The following CCND2 variants were observed in gnomAD, a reference collection of about 807,000 sequenced individuals.
CCND2 encodes the protein cyclin D2.
Under a neutral mutation model 30.2 loss-of-function variants are expected in CCND2, and 6 were observed. That is an observed-to-expected ratio of 0.20 (90% confidence interval 0.11 to 0.39). The LOEUF is 0.39. Ranked by LOEUF, CCND2 falls within the 10% of genes least tolerant of loss-of-function variation. The pLI, the probability that CCND2 is intolerant of heterozygous loss-of-function variation, is 1.00. For synonymous variants in CCND2, 150 were observed against 153.1 expected (o/e 0.98, Z 0.15); for missense variants, 235 against 373.4 (o/e 0.63, Z 3.06).
rs1051079628 is a variant in CCND2 at position 4,301,065 on chromosome 12, C to G, written c.*1056C>G. 17 of 233,536 alleles carry G rather than the reference C, an allele frequency of 7.3e-5. No homozygotes were observed. Among genetic ancestry groups the G allele is most frequent in the Non-Finnish European group, 1.3e-4 (15 of 118,082 alleles). The allele number at this position is 233,536 out of a possible 1,614,324, so 14.5% of individuals were successfully genotyped here. ...CCTCCCCTCTTCTCTTTTGCCCCCT[C>G]CCTTCCTGCCCCCAGTCTGGGTTAC... On this transcript the variant is annotated 3_prime_UTR_variant, in exon 5 of 5. Coordinates refer to ENST00000261254, the MANE Select transcript of CCND2 (RefSeq NM_001759.4).
At chr12:4,281,166 G>A (rs780514519) in intron 3 of CCND2, among the ~76,000 whole-genome samples, 2 of 152,208 alleles carry the variant, frequency 1.3e-5, no homozygotes, top group African/African-American at 2.4e-5. Context: ...AGCCTCAGGC[G>A]TTGACAGGGC....
In CCND2 at chr12:4,285,766, G is replaced by A. The variant is rs1024889129; in HGVS notation, c.572-3076G>A. On this transcript the variant is annotated intron_variant, in intron 3 of 4. Transcript: ENST00000261254. The surrounding 1 kb of genome is among the most constrained non-coding windows in gnomAD (Gnocchi z 4.1). ...GGCTAATTACAGCTAGGAAGCTAGT[G>A]CACAGATGAAATGATGTTTGATTTT... is the stretch of plus-strand genomic sequence containing the variant. Among the ~76,000 whole-genome samples, 1 of 152,326 alleles carries A rather than the reference G, an allele frequency of 6.6e-6. No homozygotes were observed. Among genetic ancestry groups the A allele is most frequent in the South Asian group, 2.1e-4 (1 of 4,826 alleles).
rs1205208296 is a variant in CCND2, at chr12:4,282,889, G to A, written c.571+3970G>A. Among the ~76,000 whole-genome samples the A allele has an allele frequency of 2.0e-5, 3 of 152,196 alleles. No homozygotes were observed. Among genetic ancestry groups the A allele is most frequent in the Non-Finnish European group, 4.4e-5 (3 of 68,032 alleles). ...ACGTCCCTGGCCTGTGAACACTCTG[G>A]TTCTGGCCCTTTGAACTTCCACCTG... On this transcript the variant is annotated intron_variant, in intron 3 of 4. Coordinates refer to ENST00000261254, the MANE Select transcript of CCND2 (RefSeq NM_001759.4). The surrounding 1 kb of genome is among the most constrained non-coding windows in gnomAD (Gnocchi z 4.3).
chr12:4,295,228 C>T (rs376652016), intron 4 of CCND2, among the ~76,000 whole-genome samples: 1 of 152,212 alleles, frequency 6.6e-6, no homozygotes, highest in African/African-American at 2.4e-5. Flanking sequence ...TTATACAAGA[C>T]AGGCTTTTGC....
At chr12:4,280,079 G>A (rs1381237243) in intron 3 of CCND2, among the ~76,000 whole-genome samples, 4 of 144,932 alleles carry the variant, frequency 2.8e-5, no homozygotes, top group East Asian at 2.6e-4. Context: ...CTCTGAACCC[G>A]AGCTTCTTCA....
chr12:4,286,477 C>CT (rs1565434639), intron 3 of CCND2, among the ~76,000 whole-genome samples: 1 of 152,198 alleles, frequency 6.6e-6, no homozygotes, highest in Non-Finnish European at 1.5e-5. Context: ...GAGGAAGATG[C>CT]TCGTCTTCTG....
intron 4 of CCND2, among the ~76,000 whole-genome samples, chr12:4,297,537 C>T (rs1347392659): frequency 1.4e-5 from 2 of 138,608 alleles, no homozygotes; most frequent in East Asian, 4.5e-4. Flanking sequence ...TGCCATTGCA[C>T]TCCAGCCTGG....
Position 4,276,088 on chromosome 12 carries a change from T to C in CCND2, c.279T>C (p.Thr93=). The change falls in exon 2 of 5, where the codon ACT becomes ACC. Residue 93 remains threonine (T), a synonymous_variant. Coordinates refer to ENST00000261254, the MANE Select transcript of CCND2 (RefSeq NM_001759.4). This position sits in a 1 kb window ranked among gnomAD's most constrained non-coding sequence, Gnocchi z 4.8. ...ACCGTTTCTTGGCTGGGGTCCCGAC[T>C]CCGAAGTCCCATCTGCAACTCCTGG... ...YLDRFLAGVP[T]PKSHLQLLGA... 6.2e-7 allele frequency: 1 copy of C among 1,613,380 alleles called. No individual in the cohort carries two copies. The highest frequency in any genetic ancestry group is 8.5e-7 in the Non-Finnish European group (1 of 1,179,924).
rs1024384016 is a variant in CCND2, at chr12:4,301,352, C to CG, written c.*1344dup. 69 of 99,138 alleles carry CG rather than the reference C, an allele frequency of 7.0e-4. No individual in the cohort carries two copies. The highest frequency in any genetic ancestry group is 4.5e-3 in the African/African-American group (68 of 14,990). The allele number at this position is 99,138 out of a possible 1,614,324, so 6.1% of individuals were successfully genotyped here. A position where few individuals can be genotyped will look rare whatever the true frequency, so the allele number is the denominator to read the frequency against. On this transcript the variant is annotated 3_prime_UTR_variant, in exon 5 of 5. Transcript: ENST00000261254. ...GGGTGTGGCATTTTGTTCCCTTTTC[C>CG]GTTTTTTTTTTTTTATTGTTGTTGT...
Position 4,276,268 on chromosome 12 carries a change from C to T in CCND2, c.411+48C>T, listed in dbSNP as rs1317443731. Reference sequence around the variant, plus strand: ...CTTCCTTTCTGCGATTCCCGCTTTCCCCTGGCCAACAATATGCCTTCTATC... The same window carrying T: ...CTTCCTTTCTGCGATTCCCGCTTTCTCCTGGCCAACAATATGCCTTCTATC... On this transcript the variant is annotated intron_variant, in intron 2 of 4. Coordinates refer to ENST00000261254, the MANE Select transcript of CCND2 (RefSeq NM_001759.4). The surrounding 1 kb of genome is among the most constrained non-coding windows in gnomAD (Gnocchi z 4.8). 3 of 1,523,018 alleles carry T rather than the reference C, an allele frequency of 2.0e-6. No individual in the cohort carries two copies. The highest frequency in any genetic ancestry group is 2.7e-6 in the Non-Finnish European group (3 of 1,108,832). 94.3% of individuals were successfully genotyped at this position (1,523,018 alleles called of 1,614,324 possible).
At chr12:4,291,424 T>G (rs1034690065) in intron 4 of CCND2, among the ~76,000 whole-genome samples, 1 of 152,074 alleles carries the variant, frequency 6.6e-6, no homozygotes, top group African/African-American at 2.4e-5. Flanking sequence ...ATTTCCTTCA[T>G]TCGTTTCTGG....
In CCND2 at chr12:4,304,984, TTTTTC is replaced by T. The variant is rs973226569; in HGVS notation, c.*4985_*4989del. 16 of 227,508 alleles carry T rather than the reference TTTTTC, an allele frequency of 7.0e-5. No homozygotes were observed. The Middle Eastern group carries it at 3.8e-3, about 54-fold the overall frequency. 14.1% of individuals were successfully genotyped at this position (227,508 alleles called of 1,614,324 possible). ...TGTAGTTTCTTGTCTTGGACTTTTT[TTTTTC>T]TTTTCTTTTTCTTTTTTTTTTTGCT... On this transcript the variant is annotated 3_prime_UTR_variant, in exon 5 of 5. Transcript: ENST00000261254. The surrounding 1 kb of genome is among the most constrained non-coding windows in gnomAD (Gnocchi z 6.2).
chr12:4,295,551 T>G (rs1591650219), intron 4 of CCND2, among the ~76,000 whole-genome samples: 1 of 151,870 alleles, frequency 6.6e-6, no homozygotes, highest in Non-Finnish European at 1.5e-5. Flanking sequence ...CCAAGGCGGG[T>G]GGATCATCTG....
chr12:4,298,340 G>C (rs974553731), intron 4 of CCND2, among the ~76,000 whole-genome samples: 1 of 152,204 alleles, frequency 6.6e-6, no homozygotes, highest in Non-Finnish European at 1.5e-5. Context: ...GGATAGATGA[G>C]AGATAGGAAA....
Position 4,285,411 on chromosome 12 carries a change from A to G in CCND2, c.572-3431A>G, listed in dbSNP as rs1048996039. 2 of 985,324 alleles carry G rather than the reference A, an allele frequency of 2.0e-6. No homozygotes were observed. The highest frequency in any genetic ancestry group is 3.5e-5 in the African/African-American group (2 of 57,246). The allele number at this position is 985,324 out of a possible 1,614,324, so 61.0% of individuals were successfully genotyped here. On this transcript the variant is annotated intron_variant, in intron 3 of 4. Transcript: ENST00000261254. This position sits in a 1 kb window ranked among gnomAD's most constrained non-coding sequence, Gnocchi z 4.1. ...GTTGGCATTTTTGATCAAGAGACTT[A>G]ACAGACTGCTGAGAAATTTGTACCT... is the stretch of plus-strand genomic sequence containing the variant.
rs374815059 is a variant in CCND2 at position 4,282,259 on chromosome 12, C to T, written c.571+3340C>T. Among the ~76,000 whole-genome samples, 1 of 152,130 alleles carries T rather than the reference C, an allele frequency of 6.6e-6. No homozygotes were observed. The highest frequency in any genetic ancestry group is 1.5e-5 in the Non-Finnish European group (1 of 68,014). ...GAGGTGCTCACCCTCCCTCTCCAGG[C>T]ACCCACATCCCCTCTTTCTTCACTA... On this transcript the variant is annotated intron_variant, in intron 3 of 4. Coordinates refer to ENST00000261254, the MANE Select transcript of CCND2 (RefSeq NM_001759.4). This position sits in a 1 kb window ranked among gnomAD's most constrained non-coding sequence, Gnocchi z 4.3.
chr12:4,284,988 G>A lies in CCND2; in HGVS notation c.572-3854G>A, dbSNP rs551748571. Among the ~76,000 whole-genome samples, 4 of 151,962 alleles carry A rather than the reference G, an allele frequency of 2.6e-5. 1 individual carries two copies. The highest frequency in any genetic ancestry group is 4.2e-4 in the South Asian group (2 of 4,804). On this transcript the variant is annotated intron_variant, in intron 3 of 4. Coordinates refer to ENST00000261254, the MANE Select transcript of CCND2 (RefSeq NM_001759.4). ...GGACCTCAGGTCATCTGCCCACCTC[G>A]GCCTCCCAAAGTGCTAGGATTACAC...
At chr12:4,277,343 A>G (rs2120527413) in intron 2 of CCND2, among the ~76,000 whole-genome samples, 1 of 152,276 alleles carries the variant, frequency 6.6e-6, no homozygotes, top group Admixed American at 6.5e-5. Flanking sequence ...CTGGCATTTC[A>G]AGCCATCTTT....
In CCND2 at chr12:4,288,972, G is replaced by A. The variant is rs139239250; in HGVS notation, c.702G>A (p.Lys234=). The change falls in exon 4 of 5, where the codon AAG becomes AAA. Residue 234 remains lysine (K), a synonymous_variant. Transcript: ENST00000261254. ...ATGCCCTGACTGAGCTGCTGGCTAA[G>A]ATCACCAACACAGACGTGGTAGGTG... ...TCDALTELLA[K]ITNTDVDCLK... 357 of 1,613,136 alleles carry A rather than the reference G, an allele frequency of 2.2e-4. No homozygotes were observed. Among genetic ancestry groups the A allele is most frequent in the Non-Finnish European group, 3.0e-4 (348 of 1,179,592 alleles).
Sources: gnomAD v4.1 joint callset for allele counts (sites outside exome capture counted in the v4.1 genomes callset) on GRCh38, gnomAD v4.1.1 for gene constraint, Gnocchi (gnomAD v3.1) non-coding constraint, MANE v1.5 for transcripts, NCBI Gene and HGNC (gene_info 2026-07-23, HGNC 2026-07-21) for gene names.